The following KDM1A variants were observed in gnomAD, a reference collection of about 807,000 sequenced individuals.
KDM1A encodes lysine-specific histone demethylase 1A.
In KDM1A, 49 loss-of-function variants were observed where a neutral mutation model predicts 109.4. That is an observed-to-expected ratio of 0.45 (90% CI 0.36 to 0.57). The LOEUF (loss-of-function observed/expected upper bound fraction) is 0.57. Among genes scored for constraint, KDM1A ranks in the 20% least tolerant of loss-of-function variants. The pLI is 0.00. For synonymous variants in KDM1A, 380 were observed against 415.4 expected (o/e 0.91, Z 1.04); for missense variants, 668 against 1,116.6 (o/e 0.60, Z 5.73).
At chr1:23,053,879 G>A (rs1396488476) in intron 5 of KDM1A, 40 bp downstream of exon 5, 2 of 1,090,396 alleles carry the variant, frequency 1.8e-6, no homozygotes, top group Non-Finnish European at 2.8e-6. Flanking sequence ...GTACTGGATT[G>A]TGAAAATTGA....
Position 23,035,295 on chromosome 1 carries a change from C to T in KDM1A, c.517+4661C>T, listed in dbSNP as rs551033083. ...TCGGCTCACCACAACCTCCGCCTCC[C>T]GGGTTCAAGCAATTCTCCTGCCTTA... On this transcript the variant is annotated intron_variant, in intron 2 of 20. Coordinates refer to ENST00000400181, the MANE Select transcript of KDM1A (RefSeq NM_001009999.3). Among the ~76,000 whole-genome samples, 96 of 152,186 alleles carry T rather than the reference C, an allele frequency of 6.3e-4. 1 individual carries two copies. The highest frequency in any genetic ancestry group is 1.2e-3 in the Non-Finnish European group (79 of 68,012).
intron 3 of KDM1A, among the ~76,000 whole-genome samples, chr1:23,046,108 A>G (rs1232607409): frequency 6.6e-6 from 1 of 152,094 alleles, no homozygotes; most frequent in African/African-American, 2.4e-5. Flanking sequence ...CCCTTATTTT[A>G]TGGATTAGGA....
Position 23,069,050 on chromosome 1 carries a change from G to C in KDM1A, c.1323-11G>C. The C allele has an allele frequency of 6.3e-7, 1 of 1,584,668 alleles. No individual in the cohort carries two copies. The highest frequency in any genetic ancestry group is 1.8e-5 in the Admixed American group (1 of 56,154). On this transcript the variant is annotated splice_polypyrimidine_tract_variant and intron_variant, in intron 11 of 20. Coordinates refer to ENST00000400181, the MANE Select transcript of KDM1A (RefSeq NM_001009999.3). Reference sequence around the variant, plus strand: ...GCTTTGAGAGCAGATTATACATATTGTCTCTCTTAGGTTACAAGAGAAGCA... The same window carrying C: ...GCTTTGAGAGCAGATTATACATATTCTCTCTCTTAGGTTACAAGAGAAGCA...
At chr1:23,023,839 C>CT (rs1159428415) in intron 1 of KDM1A, among the ~76,000 whole-genome samples, 3 of 152,022 alleles carry the variant, frequency 2.0e-5, no homozygotes, top group East Asian at 1.9e-4. Flanking sequence ...AGAAAGATTT[C>CT]TTTTTTTAGC....
At chr1:23,057,361 C>T (rs1642861205) in intron 7 of KDM1A, 123 bp from the exon 8 acceptor site, 1 of 700,034 alleles carries the variant, frequency 1.4e-6, no homozygotes, top group Non-Finnish European at 2.5e-6. Flanking sequence ...CTGTTGATTG[C>T]ATTCCATGTA....
At chr1:23,082,898 T>G in intron 20 of KDM1A, 1 of 274,512 alleles carries the variant, frequency 3.6e-6, no homozygotes, top group Non-Finnish European at 7.0e-6. Context: ...TAGTTATACA[T>G]GAGGGAAGGA....
chr1:23,076,644 C>T (rs549481388), intron 15 of KDM1A, among the ~76,000 whole-genome samples: 3 of 152,158 alleles, frequency 2.0e-5, no homozygotes, highest in Non-Finnish European at 2.9e-5. Flanking sequence ...ATAGAAGATC[C>T]GGACTTAGTG....
At chr1:23,043,857 T>TA in intron 2 of KDM1A, among the ~76,000 whole-genome samples, 1 of 152,212 alleles carries the variant, frequency 6.6e-6, no homozygotes, top group East Asian at 1.9e-4. Context: ...CACAGTGTCT[T>TA]ATTGTGTGTT....
At chr1:23,020,029 G>GCCT in intron 1 of KDM1A, 82 bp downstream of exon 1, 1 of 1,369,996 alleles carries the variant, frequency 7.3e-7, no homozygotes, top group Non-Finnish European at 9.5e-7. Context: ...CGCCGCCGCC[G>GCCT]GGTCTTGGGC....
intron 18 of KDM1A, among the ~76,000 whole-genome samples, chr1:23,080,467 A>G (rs1643586354): frequency 6.6e-6 from 1 of 152,194 alleles, no homozygotes; most frequent in Admixed American, 6.5e-5. Flanking sequence ...CTGGACGGTT[A>G]CCAATAGCTA....
chr1:23,036,444 G>GCCCCCCCCCCC (rs5773033), intron 2 of KDM1A, among the ~76,000 whole-genome samples: 56 of 121,418 alleles, frequency 4.6e-4, no homozygotes, highest in Non-Finnish European at 5.4e-4. Flanking sequence ...TTCTTGCCAC[G>GCCCCCCCCCCC]CCCCCCCCCT....
chr1:23,032,791 G>C (rs1642027262), intron 2 of KDM1A, among the ~76,000 whole-genome samples: 1 of 152,210 alleles, frequency 6.6e-6, no homozygotes, highest in African/African-American at 2.4e-5. Context: ...TTTGGACACT[G>C]TGCAGGGTTT....
At chr1:23,052,571 A>C (rs562227204) in intron 4 of KDM1A, among the ~76,000 whole-genome samples, 3 of 152,350 alleles carry the variant, frequency 2.0e-5, no homozygotes, top group South Asian at 2.1e-4. Flanking sequence ...TTAGTTTGTC[A>C]TGCATTTTGC....
intron 4 of KDM1A, among the ~76,000 whole-genome samples, chr1:23,051,338 CTATTA>C (rs906393132): frequency 3.3e-5 from 5 of 152,112 alleles, no homozygotes; most frequent in African/African-American, 1.2e-4. Flanking sequence ...TTGACTCTAC[CTATTA>C]TTTCCTTATG....
intron 10 of KDM1A, 30 bp from the exon 11 acceptor site, chr1:23,068,509 G>A (rs1450879332): frequency 1.9e-6 from 3 of 1,542,532 alleles, no homozygotes; most frequent in Non-Finnish European, 2.6e-6. Context: ...GTTTTATAAG[G>A]ACCAACTCTG....
intron 5 of KDM1A, 27 bp from the exon 6 acceptor site, chr1:23,055,042 C>A: frequency 7.1e-7 from 1 of 1,399,158 alleles, no homozygotes; most frequent in Non-Finnish European, 1.0e-6. Flanking sequence ...AAAATAAAAC[C>A]GTGTTTTTAA....
chr1:23,027,247 A>G (rs376205752), intron 1 of KDM1A, among the ~76,000 whole-genome samples: 2 of 152,244 alleles, frequency 1.3e-5, no homozygotes, highest in African/African-American at 4.8e-5. Context: ...GAAATTAAGC[A>G]TGATAGTCTT....
intron 1 of KDM1A, among the ~76,000 whole-genome samples, chr1:23,022,320 CTTCG>C (rs1310790080): frequency 1.3e-5 from 1 of 74,074 alleles, no homozygotes; most frequent in African/African-American, 4.0e-5. Context: ...CAATGTTCTT[CTTCG>C]TTTTTTTTTT....
chr1:23,019,605 T>C lies in KDM1A; in HGVS notation c.9T>C (p.Ser3=). The C allele has an allele frequency of 7.0e-7, 1 of 1,426,548 alleles. No homozygotes were observed. The highest frequency in any genetic ancestry group is 9.1e-7 in the Non-Finnish European group (1 of 1,099,898). The allele number at this position is 1,426,548 out of a possible 1,614,324, so 88.4% of individuals were successfully genotyped here. ...CGGCCCGGCGGCCCGAGATGTTATC[T>C]GGGAAGAAGGCGGCAGCCGCGGCGG... ML[S]GKKAAAAAAA... The change falls in exon 1 of 21, where the codon TCT becomes TCC. Residue 3 remains serine, a synonymous_variant. Coordinates refer to ENST00000400181, the MANE Select transcript of KDM1A (RefSeq NM_001009999.3).
Sources: gnomAD v4.1 joint callset for allele counts (sites outside exome capture counted in the v4.1 genomes callset) on GRCh38, gnomAD v4.1.1 for gene constraint, MANE v1.5 for transcripts, NCBI Gene and HGNC (gene_info 2026-07-23, HGNC 2026-07-21) for gene names.